LAMB1: variants seen among roughly 807,000 people sequenced by gnomAD.
LAMB1 encodes laminin subunit beta-1.
A neutral mutation model predicts 222.3 loss-of-function variants in LAMB1; 121 were observed. The ratio of observed to expected loss-of-function variants is 0.54; its 90% CI spans 0.47 to 0.63. The LOEUF (loss-of-function observed/expected upper bound fraction) is 0.63. Ranked by LOEUF, LAMB1 falls within the 30% of genes least tolerant of loss-of-function variation. The probability of loss-of-function intolerance (pLI) is 0.00; values close to 1 mark genes in which losing one functional copy is unlikely to be tolerated. For synonymous variants in LAMB1, 794 were observed against 807.2 expected (o/e 0.98, Z 0.28); for missense variants, 2,172 against 2,240.8 (o/e 0.97, Z 0.62).
At position 108,001,052 on chromosome 7, in the gene LAMB1, G is replaced by T. The variant is rs568309254; in HGVS notation, c.213+506C>A. Among the ~76,000 whole-genome samples, 4 of 152,254 alleles carry T rather than the reference G, an allele frequency of 2.6e-5. No homozygotes were observed. In the South Asian group the frequency reaches 8.3e-4, roughly 32 times the overall value. On this transcript the variant is annotated intron_variant, in intron 3 of 33. Coordinates refer to ENST00000222399, the MANE Select transcript of LAMB1 (RefSeq NM_002291.3). Reference sequence around the variant, plus strand: ...ATGGCAACCAGGGCATTTCGTAAAAGCAAGCATCTGATCCTGATATCTAGT... The same window carrying T: ...ATGGCAACCAGGGCATTTCGTAAAATCAAGCATCTGATCCTGATATCTAGT...
In LAMB1 at chr7:107,935,602, C is replaced by G. The variant is rs377593364; in HGVS notation, c.4001G>C (p.Arg1334Thr). Residue 1334 changes from arginine (R) to threonine (T), a missense_variant, in exon 27 of 34, where the codon AGG becomes ACG. Arg to Thr is a moderately conservative substitution (Grantham distance 71, BLOSUM62 -1). Transcript: ENST00000222399. The stretch of plus-strand genomic sequence containing the variant: ...GGGTTCTGTGGTGGAGGCATTCACC[C>G]TCTCCTCTGCCTCAAGAGACATCTG... ...YFQMSLEAEE[R>T]VNASTTEPNS... 5.0e-6 allele frequency: 8 copies of G among 1,613,494 alleles called. No individual in the cohort carries two copies. The highest frequency in any genetic ancestry group is 6.8e-6 in the Non-Finnish European group (8 of 1,179,728).
At chr7:107,938,418 T>C (rs1322357092) in intron 25 of LAMB1, among the ~76,000 whole-genome samples, 2 of 69,434 alleles carry the variant, frequency 2.9e-5, no homozygotes, top group Admixed American at 1.6e-4. Context: ...ATGATACAAT[T>C]TTTTTTAAAA....
Position 107,923,997 on chromosome 7 carries a change from A to G in LAMB1, c.5315T>C (p.Leu1772Pro). ...ARLEGEVRSLLKDISQKVAVY... is the reference protein window; with the variant it reads ...ARLEGEVRSLPKDISQKVAVY... ...AGCAACTTTCTGGCTTATATCCTTTAGGAGTGAACGGACTTCTCCTTCCAG... is the reference window on the plus strand; with the variant it reads ...AGCAACTTTCTGGCTTATATCCTTTGGGAGTGAACGGACTTCTCCTTCCAG... The change falls in exon 34 of 34, where the codon CTA (leucine) becomes CCA (proline). Residue 1772 changes from leucine (L) to proline (P), a missense_variant. Transcript: ENST00000222399. 1 of 1,606,164 alleles carries G rather than the reference A, an allele frequency of 6.2e-7. No homozygotes were observed. The highest frequency in any genetic ancestry group is 8.5e-7 in the Non-Finnish European group (1 of 1,178,164).
intron 23 of LAMB1, 142 bp from the exon 24 acceptor site, chr7:107,951,464 C>T: frequency 5.8e-6 from 4 of 691,768 alleles, no homozygotes; most frequent in Middle Eastern, 2.8e-4. Flanking sequence ...GGGACTCCCA[C>T]TTCAATCGTA....
chr7:107,968,617 C>G (rs1441583784), intron 13 of LAMB1, among the ~76,000 whole-genome samples: 1 of 152,092 alleles, frequency 6.6e-6, no homozygotes, highest in Non-Finnish European at 1.5e-5. Flanking sequence ...AAGGATTTGA[C>G]CCAGTGGTAC....
chr7:107,965,068 T>A (rs1055660727), intron 13 of LAMB1, among the ~76,000 whole-genome samples: 1 of 152,176 alleles, frequency 6.6e-6, no homozygotes, highest in African/African-American at 2.4e-5. Context: ...TCCCAGAGCA[T>A]CCCAAACCAA....
At chr7:107,934,466 G>A (rs1345973344) in intron 27 of LAMB1, among the ~76,000 whole-genome samples, 1 of 152,198 alleles carries the variant, frequency 6.6e-6, no homozygotes, top group East Asian at 1.9e-4. Flanking sequence ...CAGGAAGGAA[G>A]AGGAAGAAAC....
At position 108,002,235 on chromosome 7, in the gene LAMB1, G is replaced by A. The variant is rs1321657671; in HGVS notation, c.38-502C>T. On this transcript the variant is annotated intron_variant, in intron 2 of 33. Coordinates refer to ENST00000222399, the MANE Select transcript of LAMB1 (RefSeq NM_002291.3). ...CGAGAGTGCGTGTGCGTGCACGCGC[G>A]AGGGTCACCGGCGCTTCGCTGGGGA... 2 of 1,321,626 alleles carry A rather than the reference G, an allele frequency of 1.5e-6. 1 individual carries two copies. Among genetic ancestry groups the A allele is most frequent in the South Asian group, 2.5e-5 (2 of 81,038 alleles). The allele number at this position is 1,321,626 out of a possible 1,614,324, so 81.9% of individuals were successfully genotyped here.
intron 4 of LAMB1, among the ~76,000 whole-genome samples, chr7:107,995,337 C>T (rs957925213): frequency 1.3e-5 from 2 of 152,212 alleles, no homozygotes; most frequent in African/African-American, 4.8e-5. Flanking sequence ...AGGGGCACTT[C>T]CTGTGCACAG....
intron 27 of LAMB1, among the ~76,000 whole-genome samples, chr7:107,932,904 CTA>C (rs1191429811): frequency 2.6e-5 from 4 of 152,208 alleles, no homozygotes; most frequent in Admixed American, 6.5e-5. Context: ...GATGCAGTCA[CTA>C]TGAAAGAAAG....
intron 26 of LAMB1, among the ~76,000 whole-genome samples, chr7:107,936,593 T>G (rs1337718819): frequency 3.3e-5 from 5 of 152,218 alleles, no homozygotes. Context: ...AAAGCAATCA[T>G]GCATAAAACA....
At chr7:107,966,311 A>G (rs540662587) in intron 13 of LAMB1, among the ~76,000 whole-genome samples, 9 of 151,950 alleles carry the variant, frequency 5.9e-5, no homozygotes, top group Admixed American at 5.2e-4. Context: ...CTTGGGTTCA[A>G]GCGATTCTCC....
chr7:107,964,706 C>T lies in LAMB1; in HGVS notation c.1563-19G>A, dbSNP rs767568759. Reference sequence around the variant, plus strand: ...AAAGCAACTGGAAGGGAGGAGGAGCCACATCAGCTGAGTTCATGGTCACGC... The same window carrying T: ...AAAGCAACTGGAAGGGAGGAGGAGCTACATCAGCTGAGTTCATGGTCACGC... On this transcript the variant is annotated intron_variant, in intron 13 of 33. Transcript: ENST00000222399. 6 of 1,613,700 alleles carry T rather than the reference C, an allele frequency of 3.7e-6. No individual in the cohort carries two copies. Among genetic ancestry groups the T allele is most frequent in the Non-Finnish European group, 5.1e-6 (6 of 1,179,822 alleles).
chr7:107,937,187 T>C lies in LAMB1; in HGVS notation c.3852A>G (p.Glu1284=). ...TTSQSNSTAK[E]LDSLQTEAES... The stretch of plus-strand genomic sequence containing the variant: ...CGGCTTCTGTCTGTAGAGAATCCAG[T>C]TCTTTGGCTGTGCTGTTGCTTTGGG... The change falls in exon 26 of 34, where the codon GAA becomes GAG. Residue 1284 remains glutamate (E), a synonymous_variant. Coordinates refer to ENST00000222399, the MANE Select transcript of LAMB1 (RefSeq NM_002291.3). The C allele has an allele frequency of 6.2e-7, 1 of 1,614,040 alleles. No individual in the cohort carries two copies. Among genetic ancestry groups the C allele is most frequent in the Non-Finnish European group, 8.5e-7 (1 of 1,179,906 alleles).
At chr7:107,944,460 A>C (rs1193190420) in intron 24 of LAMB1, among the ~76,000 whole-genome samples, 1 of 152,112 alleles carries the variant, frequency 6.6e-6, no homozygotes, top group Non-Finnish European at 1.5e-5. Context: ...CCTTTCTCCC[A>C]CCTGAAAAGT....
chr7:107,950,975 A>C, intron 24 of LAMB1: 1 of 379,918 alleles, frequency 2.6e-6, no homozygotes, highest in Non-Finnish European at 4.9e-6. Flanking sequence ...TACACACAGA[A>C]ACAAACTTTA....
chr7:107,931,299 T>C, intron 29 of LAMB1, 57 bp downstream of exon 29: 1 of 1,478,188 alleles, frequency 6.8e-7, no homozygotes, highest in Non-Finnish European at 9.4e-7. Flanking sequence ...ATCTAAAATG[T>C]AAACAGAGAA....
At chr7:107,937,332 C>T in intron 25 of LAMB1, 55 bp from the exon 26 acceptor site, 1 of 1,436,086 alleles carries the variant, frequency 7.0e-7, no homozygotes. Context: ...GGAGAACTTT[C>T]ACGTTTCATA....
intron 19 of LAMB1, 53 bp downstream of exon 19, chr7:107,959,638 C>A: frequency 6.2e-7 from 1 of 1,614,134 alleles, no homozygotes; most frequent in Non-Finnish European, 8.5e-7. Flanking sequence ...AACCCTGCCA[C>A]AATGGCTGAG....
Sources: allele counts gnomAD v4.1 joint callset (sites outside exome capture counted in the v4.1 genomes callset), GRCh38; gene constraint gnomAD v4.1.1; transcripts MANE v1.5; gene names NCBI Gene and HGNC (gene_info 2026-07-23, HGNC 2026-07-21).